ZRANB3: variants seen among roughly 807,000 people sequenced by gnomAD.
The protein encoded by ZRANB3 is DNA annealing helicase and endonuclease ZRANB3.
ZRANB3 carries 125 observed loss-of-function variants against 133.8 expected under a neutral mutation model. That is an observed-to-expected ratio of 0.93 (90% CI 0.81 to 1.08). The LOEUF (loss-of-function observed/expected upper bound fraction) is 1.08. ZRANB3 is among the 50% of genes least tolerant of loss of function. ZRANB3 has a pLI of 0.00. For synonymous variants in ZRANB3, 387 were observed against 432.7 expected, an observed-to-expected ratio of 0.89 and a Z score of 1.31; for missense variants, 1,229 against 1,275.5, an observed-to-expected ratio of 0.96 and a Z score of 0.56.
intron 8 of ZRANB3, among the ~76,000 whole-genome samples, chr2:135,284,120 C>T (rs2104784990): frequency 6.6e-6 from 1 of 152,316 alleles, no homozygotes; most frequent in Non-Finnish European, 1.5e-5. Flanking sequence ...GGTTTGAATC[C>T]TAGCTCCATC....
rs1692718546 is a variant in ZRANB3, at chr2:135,497,343, T to C, written c.161+6986A>G. On this transcript the variant is annotated intron_variant, in intron 2 of 20. Coordinates refer to ENST00000264159, the MANE Select transcript of ZRANB3 (RefSeq NM_032143.4). ...CTGCCTGATACCAGAATATTTATTA[T>C]AAAGCTACGCTAAGAAGTATGAAGA... 2.0e-5 allele frequency among the ~76,000 whole-genome samples: 3 copies of C among 152,184 alleles called. No homozygotes were observed. In the South Asian group the frequency reaches 6.2e-4, roughly 32 times the overall value.
At chr2:135,320,691 C>G (rs970517982) in intron 6 of ZRANB3, among the ~76,000 whole-genome samples, 7 of 152,188 alleles carry the variant, frequency 4.6e-5, no homozygotes, top group Non-Finnish European at 8.8e-5. Flanking sequence ...ATATGCTTAT[C>G]TGTGTTCATG....
intron 2 of ZRANB3, among the ~76,000 whole-genome samples, chr2:135,394,953 C>CAAAAAA (rs113220872): frequency 1.6e-4 from 7 of 43,364 alleles, no homozygotes; most frequent in East Asian, 9.4e-4. Context: ...CTTGTCTCTA[C>CAAAAAA]AAAAAAAAAA....
At chr2:135,207,342 A>C in intron 19 of ZRANB3, 92 bp downstream of exon 19, 1 of 1,433,104 alleles carries the variant, frequency 7.0e-7, no homozygotes, top group East Asian at 2.3e-5. Context: ...TATATATCTG[A>C]ATATTCCCAT....
intron 3 of ZRANB3, among the ~76,000 whole-genome samples, chr2:135,384,438 C>T (rs967387733): frequency 2.0e-5 from 3 of 152,204 alleles, no homozygotes; most frequent in Non-Finnish European, 4.4e-5. Flanking sequence ...GGTACCATTC[C>T]TTCTGAAACT....
chr2:135,315,351 G>A lies in ZRANB3; in HGVS notation c.849+8C>T, dbSNP rs757738605. ...AAGTAAGACTTTAAATCAAGCAACG[G>A]TTCTCACCTTGGCAGCTGCTGATGG... On this transcript the variant is annotated splice_region_variant and intron_variant, in intron 7 of 20. Transcript: ENST00000264159. 1.8e-5 allele frequency: 27 copies of A among 1,539,486 alleles called. No individual in the cohort carries two copies. The highest frequency in any genetic ancestry group is 2.3e-5 in the Non-Finnish European group (26 of 1,149,480).
chr2:135,529,513 T>C (rs1004252314), intron 1 of ZRANB3, among the ~76,000 whole-genome samples: 1 of 152,096 alleles, frequency 6.6e-6, no homozygotes, highest in African/African-American at 2.4e-5. Flanking sequence ...GTTTTTGTTT[T>C]TGTTTTGAGA....
chr2:135,292,038 T>C (rs1319374623), intron 8 of ZRANB3, among the ~76,000 whole-genome samples: 2 of 152,226 alleles, frequency 1.3e-5, no homozygotes, highest in Admixed American at 6.5e-5. Context: ...CTATTGTGAA[T>C]AGTGCCGAAA....
At chr2:135,284,066 T>C (rs1681226615) in intron 8 of ZRANB3, among the ~76,000 whole-genome samples, 1 of 152,202 alleles carries the variant, frequency 6.6e-6, no homozygotes. Context: ...GCTATCTTTG[T>C]TGAATGATGG....
chr2:135,447,613 A>T (rs1428999165), intron 2 of ZRANB3, among the ~76,000 whole-genome samples: 1 of 152,152 alleles, frequency 6.6e-6, no homozygotes, highest in Non-Finnish European at 1.5e-5. Flanking sequence ...GGGTGGACTT[A>T]TAATTCTAGG....
At chr2:135,452,991 A>G (rs1002513930) in intron 2 of ZRANB3, among the ~76,000 whole-genome samples, 1 of 152,242 alleles carries the variant, frequency 6.6e-6, no homozygotes, top group Non-Finnish European at 1.5e-5. Flanking sequence ...GAGGTTCTGC[A>G]TGGGGGCCCT....
chr2:135,234,092 G>A (rs1280639935), intron 12 of ZRANB3, among the ~76,000 whole-genome samples: 2 of 152,104 alleles, frequency 1.3e-5, no homozygotes, highest in Non-Finnish European at 2.9e-5. Context: ...TAAAGGGATG[G>A]AGGAAGATCT....
At chr2:135,484,509 T>C (rs1202963872) in intron 2 of ZRANB3, among the ~76,000 whole-genome samples, 1 of 151,940 alleles carries the variant, frequency 6.6e-6, no homozygotes, top group Non-Finnish European at 1.5e-5. Context: ...ATGACATAAA[T>C]ATGAATTAAT....
rs530580861 is a variant in ZRANB3 at position 135,522,538 on chromosome 2, G to C, written c.-8+8589C>G. Reference sequence around the variant, plus strand: ...AATCTGGCCAGGCAAGGTAGCTCACGCCTGTAATCCCAGCACTTTGGGAGG... The same window carrying C: ...AATCTGGCCAGGCAAGGTAGCTCACCCCTGTAATCCCAGCACTTTGGGAGG... On this transcript the variant is annotated intron_variant, in intron 1 of 20. Coordinates refer to ENST00000264159, the MANE Select transcript of ZRANB3 (RefSeq NM_032143.4). Among the ~76,000 whole-genome samples the C allele has an allele frequency of 6.6e-5, 10 of 152,238 alleles. No individual in the cohort carries two copies. The South Asian group carries it at 1.7e-3, about 25-fold the overall frequency.
intron 8 of ZRANB3, among the ~76,000 whole-genome samples, chr2:135,286,889 C>T (rs1681398201): frequency 6.6e-6 from 1 of 152,152 alleles, no homozygotes; most frequent in Non-Finnish European, 1.5e-5. Flanking sequence ...ACTCTGCTGA[C>T]TGCTCCTTTT....
At chr2:135,437,493 T>C (rs1465758381) in intron 2 of ZRANB3, among the ~76,000 whole-genome samples, 1 of 152,160 alleles carries the variant, frequency 6.6e-6, no homozygotes, top group Non-Finnish European at 1.5e-5. Flanking sequence ...ATAAACGTCC[T>C]GGATTTGGGC....
intron 6 of ZRANB3, among the ~76,000 whole-genome samples, chr2:135,334,661 C>T (rs545970282): frequency 2.0e-5 from 3 of 151,980 alleles, no homozygotes; most frequent in Admixed American, 6.6e-5. Flanking sequence ...TCTGGGAGGC[C>T]GAGGCAGGTG....
chr2:135,490,965 A>T (rs939619763), intron 2 of ZRANB3, among the ~76,000 whole-genome samples: 2 of 152,148 alleles, frequency 1.3e-5, no homozygotes, highest in South Asian at 4.1e-4. Flanking sequence ...AGAGTACCTT[A>T]GTGGCTACTA....
At chr2:135,205,080 T>C (rs1693803363) in intron 19 of ZRANB3, among the ~76,000 whole-genome samples, 1 of 152,094 alleles carries the variant, frequency 6.6e-6, no homozygotes, top group African/African-American at 2.4e-5. Context: ...AAATAGTGTA[T>C]TTCCCTATCT....
Sources: allele counts gnomAD v4.1 joint callset (sites outside exome capture counted in the v4.1 genomes callset), GRCh38; gene constraint gnomAD v4.1.1; transcripts MANE v1.5; gene names NCBI Gene and HGNC (gene_info 2026-07-23, HGNC 2026-07-21).